Variants in JAKMIP3 observed in about 807,000 individuals in gnomAD.
The protein encoded by JAKMIP3 is janus kinase and microtubule-interacting protein 3.
Under a neutral mutation model 118.5 loss-of-function variants are expected in JAKMIP3, and 58 were observed. The observed-to-expected ratio is 0.49, with a 90% CI of 0.40 to 0.61. The LOEUF is 0.61. JAKMIP3 is among the 20% of genes least tolerant of loss of function. JAKMIP3 has a pLI of 0.00. For missense variants in JAKMIP3, 950 were observed against 1,109.0 expected, an observed-to-expected ratio of 0.86 and a Z score of 2.04; for synonymous variants, 486 against 451.2, an observed-to-expected ratio of 1.08 and a Z score of -0.98.
rs1170041072 is a variant in JAKMIP3, at chr10:132,184,180, AC to A, written c.*2929del. On this transcript the variant is annotated 3_prime_UTR_variant, in exon 24 of 24. Transcript: ENST00000684848. ...ATAAATAGCAGATTCCTTTGTTGAC[AC>A]CAGTGTGTTGTTTACCTTGTGCCCA... 1 of 152,238 alleles carries A rather than the reference AC, an allele frequency of 6.6e-6. No individual in the cohort carries two copies. Among genetic ancestry groups the A allele is most frequent in the Non-Finnish European group, 1.5e-5 (1 of 68,046 alleles). 9.4% of individuals were successfully genotyped at this position (152,238 alleles called of 1,614,324 possible).
chr10:132,103,408 GAGAGGAGCAGCTGGAGGGGAGGAGCACCT>G (rs2045344399), intron 1 of JAKMIP3, among the ~76,000 whole-genome samples: 1 of 96,156 alleles, frequency 1.0e-5, no homozygotes, highest in African/African-American at 5.5e-5. Context: ...GCACCTGGGG[GAGAGGAGCAGCTGGAGGGGAGGAGCACCT>G]GGGGGAGAGG....
At chr10:132,177,991 AGTGT>A (rs574479899) in intron 23 of JAKMIP3, among the ~76,000 whole-genome samples, 11 of 151,106 alleles carry the variant, frequency 7.3e-5, no homozygotes, top group South Asian at 2.1e-4. Flanking sequence ...TGCCCTGGGT[AGTGT>A]GTGTGTCTGT....
upstream of JAKMIP3, among the ~76,000 whole-genome samples, chr10:132,063,467 T>C (rs564939242): frequency 1.9e-4 from 29 of 152,322 alleles, no homozygotes; most frequent in African/African-American, 6.7e-4. Flanking sequence ...ATTCATCTAT[T>C]CCTGTGTTTT....
intron 2 of JAKMIP3, 135 bp downstream of exon 2, chr10:132,105,078 A>G: frequency 1.9e-6 from 2 of 1,040,210 alleles, no homozygotes; most frequent in Non-Finnish European, 2.8e-6. Context: ...TGCTTGGGAC[A>G]GACCACTTGG....
rs1471882520 is a variant in JAKMIP3 at position 132,039,530 on chromosome 10, C to T, written c.-138+2792C>T. 5.3e-5 allele frequency among the ~76,000 whole-genome samples: 8 copies of T among 152,324 alleles called. No individual in the cohort carries two copies. The East Asian group carries it at 1.5e-3, about 29-fold the overall frequency. On this transcript the variant is annotated intron_variant, in intron 1 of 23. Coordinates refer to the JAKMIP3 transcript ENST00000657785. ...CCCTGCAAGGCTGAGAGGCCTGGCCCTCTACACGTGCCAGGACTTCCTGCT... is the reference window on the plus strand; with the variant it reads ...CCCTGCAAGGCTGAGAGGCCTGGCCTTCTACACGTGCCAGGACTTCCTGCT...
intron 11 of JAKMIP3, chr10:132,144,773 A>G (rs1589939534): frequency 4.8e-6 from 1 of 210,082 alleles, no homozygotes; most frequent in South Asian, 8.5e-5. Context: ...TACAAAAAAT[A>G]CAAAAATTAG....
chr10:132,172,647 G>T (rs1158609626), intron 23 of JAKMIP3, among the ~76,000 whole-genome samples: 1 of 151,920 alleles, frequency 6.6e-6, no homozygotes, highest in East Asian at 1.9e-4. Context: ...CAGCCAGGCT[G>T]TTAATGTCTC....
intron 1 of JAKMIP3, among the ~76,000 whole-genome samples, chr10:132,059,367 A>G (rs1025247063): frequency 2.0e-5 from 3 of 152,216 alleles, no homozygotes; most frequent in Non-Finnish European, 2.9e-5. Flanking sequence ...ATGAGCCAAT[A>G]TTTTCCATTT....
At chr10:132,065,137 C>G (rs2038614265), upstream of JAKMIP3, among the ~76,000 whole-genome samples, 1 of 152,140 alleles carries the variant, frequency 6.6e-6, no homozygotes, top group African/African-American at 2.4e-5. This position sits in a 1 kb window ranked among gnomAD's most constrained non-coding sequence, Gnocchi z 5.6. Flanking sequence ...GCACCGGCAG[C>G]CCTCAAGGCT....
intron 1 of JAKMIP3, among the ~76,000 whole-genome samples, chr10:132,050,436 T>A (rs998505438): frequency 6.6e-6 from 1 of 152,082 alleles, no homozygotes; most frequent in Non-Finnish European, 1.5e-5. Flanking sequence ...CGGTCGCCTT[T>A]GCCACCAGAG....
chr10:132,047,764 TCCCCA>T (rs2037963285), intron 1 of JAKMIP3, among the ~76,000 whole-genome samples: 1 of 111,418 alleles, frequency 9.0e-6, no homozygotes, highest in African/African-American at 3.3e-5. Flanking sequence ...AACTGAGTGT[TCCCCA>T]CCCCACGCCC....
At chr10:132,081,681 A>G (rs1319181796) in intron 1 of JAKMIP3, among the ~76,000 whole-genome samples, 1 of 151,678 alleles carries the variant, frequency 6.6e-6, no homozygotes, top group African/African-American at 2.4e-5. Flanking sequence ...TCTTTTATGT[A>G]CAGCACAGGT....
chr10:132,155,059 T>C (rs951390388), intron 19 of JAKMIP3, among the ~76,000 whole-genome samples: 4 of 2,710 alleles, frequency 1.5e-3, no homozygotes, highest in African/African-American at 5.0e-3. Flanking sequence ...GACATGGTGG[T>C]AGTAGTGGTA....
At chr10:132,071,063 C>T (rs1220704032) in intron 1 of JAKMIP3, among the ~76,000 whole-genome samples, 1 of 151,892 alleles carries the variant, frequency 6.6e-6, no homozygotes, top group African/African-American at 2.4e-5. Context: ...TAGCTGTGTC[C>T]TGCAACTTCT....
chr10:132,091,657 A>G (rs903687257), intron 1 of JAKMIP3, among the ~76,000 whole-genome samples: 5 of 152,084 alleles, frequency 3.3e-5, no homozygotes, highest in Non-Finnish European at 4.4e-5. Flanking sequence ...TTTTGAGCCT[A>G]TGTGTGTCTC....
At chr10:132,095,501 G>A (rs2043730952) in intron 1 of JAKMIP3, among the ~76,000 whole-genome samples, 1 of 152,210 alleles carries the variant, frequency 6.6e-6, no homozygotes, top group Non-Finnish European at 1.5e-5. Flanking sequence ...GGGGGTGTGT[G>A]TTTGGGGGTG....
rs772766179 is a variant in JAKMIP3, at chr10:132,107,920, G to A, written c.135+2977G>A. On this transcript the variant is annotated intron_variant, in intron 2 of 23. Transcript: ENST00000684848. ...AGCGTGTCTATGTTTGCAGTTTGACGGTGACGTCCCCAGGGCCCATGGAGA... is the reference window on the plus strand; with the variant it reads ...AGCGTGTCTATGTTTGCAGTTTGACAGTGACGTCCCCAGGGCCCATGGAGA... 3.9e-5 allele frequency among the ~76,000 whole-genome samples: 6 copies of A among 152,314 alleles called. No homozygotes were observed. In the South Asian group the frequency reaches 6.2e-4, roughly 16 times the overall value.
intron 1 of JAKMIP3, among the ~76,000 whole-genome samples, chr10:132,087,602 T>C (rs1339321055): frequency 6.6e-6 from 1 of 151,810 alleles, no homozygotes; most frequent in Non-Finnish European, 1.5e-5. Flanking sequence ...TCGAAAACCT[T>C]ATCTTCAGGC....
intron 17 of JAKMIP3, among the ~76,000 whole-genome samples, chr10:132,153,441 T>A (rs1415567041): frequency 2.0e-5 from 3 of 151,936 alleles, no homozygotes; most frequent in African/African-American, 7.3e-5. Context: ...CACATAGGGG[T>A]TTGGAGAAAC....
Sources: allele counts gnomAD v4.1 joint callset (sites outside exome capture counted in the v4.1 genomes callset), GRCh38; gene constraint gnomAD v4.1.1; non-coding constraint Gnocchi (gnomAD v3.1); transcripts MANE v1.5; gene names NCBI Gene and HGNC (gene_info 2026-07-23, HGNC 2026-07-21).